The following NRP1 variants were observed in gnomAD, a reference collection of about 807,000 sequenced individuals.
NRP1 encodes the protein neuropilin 1.
Under a neutral mutation model 106.7 loss-of-function variants are expected in NRP1, and 35 were observed. The ratio of observed to expected loss-of-function variants is 0.33; its 90% CI spans 0.25 to 0.43. The LOEUF is 0.43. NRP1 is among the 20% of genes least tolerant of loss of function. The pLI is 1.00. For synonymous variants in NRP1, 437 were observed against 417.9 expected, an observed-to-expected ratio of 1.05 and a Z score of -0.56; for missense variants, 1,024 against 1,170.4, an observed-to-expected ratio of 0.87 and a Z score of 1.83.
chr10:33,334,421 G>A lies in NRP1; in HGVS notation c.-39C>T. Reference sequence around the variant, plus strand: ...GGTCCGCAGGCAGACGCGGGAGAACGAGGACGTGGGGGGAAATGCAGCAAA... The same window carrying A: ...GGTCCGCAGGCAGACGCGGGAGAACAAGGACGTGGGGGGAAATGCAGCAAA... On this transcript the variant is annotated 5_prime_UTR_variant, in exon 1 of 17. Transcript: ENST00000374867. 2 of 1,513,592 alleles carry A rather than the reference G, an allele frequency of 1.3e-6. No homozygotes were observed. Among genetic ancestry groups the A allele is most frequent in the Non-Finnish European group, 1.8e-6 (2 of 1,121,852 alleles). The allele number at this position is 1,513,592 out of a possible 1,614,324, so 93.8% of individuals were successfully genotyped here.
intron 2 of NRP1, among the ~76,000 whole-genome samples, chr10:33,314,981 T>C (rs1321428255): frequency 6.6e-6 from 1 of 152,230 alleles, no homozygotes; most frequent in Admixed American, 6.5e-5. Context: ...TTAATTTATG[T>C]AAAGGTGGTT....
chr10:33,250,918 G>A (rs1370513457), intron 6 of NRP1, among the ~76,000 whole-genome samples: 2 of 152,190 alleles, frequency 1.3e-5, no homozygotes, highest in Admixed American at 6.5e-5. Flanking sequence ...CAGAAGTTAA[G>A]TGTGGCTCTG....
At chr10:33,325,025 G>C (rs1272873739) in intron 2 of NRP1, among the ~76,000 whole-genome samples, 1 of 152,180 alleles carries the variant, frequency 6.6e-6, no homozygotes, top group Non-Finnish European at 1.5e-5. Context: ...AGTTGCCCTT[G>C]AGGGCAAAGG....
At chr10:33,275,351 G>A (rs1478079991) in intron 2 of NRP1, among the ~76,000 whole-genome samples, 2 of 152,046 alleles carry the variant, frequency 1.3e-5, no homozygotes, top group African/African-American at 2.4e-5. Context: ...GGTGGATCAC[G>A]AGGTCAGGAG....
chr10:33,217,290 ATAGACT>A (rs1340374690), intron 8 of NRP1, among the ~76,000 whole-genome samples: 5 of 152,198 alleles, frequency 3.3e-5, no homozygotes, highest in Non-Finnish European at 7.4e-5. Context: ...TTCTGTATTC[ATAGACT>A]TAGTGATGCC....
At chr10:33,330,925 TG>T in intron 1 of NRP1, 43 bp from the exon 2 acceptor site, 2 of 1,508,160 alleles carry the variant, frequency 1.3e-6, no homozygotes, top group South Asian at 2.5e-5. Flanking sequence ...CCTGACAACC[TG>T]TTAGGTAATC....
chr10:33,294,793 G>A (rs1389836588), intron 2 of NRP1, among the ~76,000 whole-genome samples: 1 of 152,106 alleles, frequency 6.6e-6, no homozygotes, highest in African/African-American at 2.4e-5. Flanking sequence ...ACCTCTCTGG[G>A]CCTTCGTTTC....
intron 6 of NRP1, among the ~76,000 whole-genome samples, chr10:33,237,999 A>T (rs1840718548): frequency 1.3e-5 from 2 of 152,212 alleles, no homozygotes; most frequent in African/African-American, 4.8e-5. Flanking sequence ...GTAGTCCAGG[A>T]GTCTAGGCTG....
intron 2 of NRP1, among the ~76,000 whole-genome samples, chr10:33,306,103 G>C (rs546301996): frequency 6.6e-6 from 1 of 152,264 alleles, no homozygotes; most frequent in African/African-American, 2.4e-5. Flanking sequence ...CACTCCAGCT[G>C]TCATACATGT....
chr10:33,255,823 G>C (rs1222623808), intron 5 of NRP1, among the ~76,000 whole-genome samples: 2 of 152,106 alleles, frequency 1.3e-5, no homozygotes, highest in Non-Finnish European at 2.9e-5. Context: ...CTTTGAGGAA[G>C]GGTTGAGTTA....
intron 9 of NRP1, among the ~76,000 whole-genome samples, chr10:33,209,045 T>C (rs1838060621): frequency 6.6e-6 from 1 of 151,412 alleles, no homozygotes; most frequent in Non-Finnish European, 1.5e-5. Context: ...TAGCTGGGAT[T>C]GCAGGTGCAC....
chr10:33,186,559 T>A lies in NRP1; in HGVS notation c.2063-71A>T. ...ACACTTTTATCTCTCTTCTTTCAAG[T>A]CTCACTAATCAAAAGCTTCCTGCGC... On this transcript the variant is annotated intron_variant, in intron 13 of 16. Coordinates refer to ENST00000374867, the MANE Select transcript of NRP1 (RefSeq NM_003873.7). The A allele has an allele frequency of 5.3e-6, 8 of 1,516,468 alleles. No homozygotes were observed. The South Asian group carries it at 7.6e-5, about 14-fold the overall frequency. The allele number at this position is 1,516,468 out of a possible 1,614,324, so 93.9% of individuals were successfully genotyped here.
At chr10:33,222,862 T>C (rs1839368750) in intron 7 of NRP1, among the ~76,000 whole-genome samples, 1 of 152,202 alleles carries the variant, frequency 6.6e-6, no homozygotes, top group Admixed American at 6.5e-5. Context: ...ACTGCAAATG[T>C]AATGCATGCC....
chr10:33,214,313 C>G (rs1440564719), intron 8 of NRP1, among the ~76,000 whole-genome samples: 2 of 152,190 alleles, frequency 1.3e-5, no homozygotes, highest in Admixed American at 1.3e-4. Flanking sequence ...GAATGTCTCA[C>G]TGTCATCTCA....
intron 2 of NRP1, among the ~76,000 whole-genome samples, chr10:33,297,771 A>G (rs1845518914): frequency 6.6e-6 from 1 of 152,016 alleles, no homozygotes; most frequent in Non-Finnish European, 1.5e-5. Context: ...GGCAGGATTT[A>G]CTACCCTCTG....
At chr10:33,253,749 C>T (rs1186323580) in intron 6 of NRP1, among the ~76,000 whole-genome samples, 1 of 152,138 alleles carries the variant, frequency 6.6e-6, no homozygotes, top group Non-Finnish European at 1.5e-5. Flanking sequence ...GTCACATTCT[C>T]GGAAGAGTAG....
At chr10:33,318,296 C>T (rs1847182871) in intron 2 of NRP1, among the ~76,000 whole-genome samples, 1 of 152,126 alleles carries the variant, frequency 6.6e-6, no homozygotes, top group South Asian at 2.1e-4. Flanking sequence ...ATTCACATAT[C>T]GGGACCCAGC....
chr10:33,256,074 C>T (rs574788996), intron 5 of NRP1, among the ~76,000 whole-genome samples: 3 of 152,264 alleles, frequency 2.0e-5, no homozygotes, highest in African/African-American at 7.2e-5. Flanking sequence ...TTGCCATTTC[C>T]TACTTTCTCC....
chr10:33,324,176 A>G (rs2132911132), intron 2 of NRP1, among the ~76,000 whole-genome samples: 1 of 152,348 alleles, frequency 6.6e-6, no homozygotes, highest in South Asian at 2.1e-4. Flanking sequence ...GCTCTGTTCA[A>G]ATTAAATTTG....
Sources: gnomAD v4.1 joint callset for allele counts (sites outside exome capture counted in the v4.1 genomes callset) on GRCh38, gnomAD v4.1.1 for gene constraint, MANE v1.5 for transcripts, NCBI Gene and HGNC (gene_info 2026-07-23, HGNC 2026-07-21) for gene names.